The following CRTAP variants were observed in gnomAD, a reference collection of about 807,000 sequenced individuals.
The protein encoded by CRTAP is cartilage associated protein.
A neutral mutation model predicts 42.7 loss-of-function variants in CRTAP; 33 were observed. The ratio of observed to expected loss-of-function variants is 0.77; its 90% CI spans 0.59 to 1.03. The LOEUF (loss-of-function observed/expected upper bound fraction) is 1.03, where lower values mean the gene tolerates loss of function less well. Among genes scored for constraint, CRTAP ranks in the 50% least tolerant of loss-of-function variants. The probability of loss-of-function intolerance (pLI) is 0.00; values close to 1 mark genes in which losing one functional copy is unlikely to be tolerated. For missense variants in CRTAP, 613 were observed against 533.9 expected (o/e 1.15, Z -1.46); for synonymous variants, 243 against 217.7 (o/e 1.12, Z -1.02).
At chr3:33,135,546 T>C (rs916067683) in intron 6 of CRTAP, among the ~76,000 whole-genome samples, 3 of 150,838 alleles carry the variant, frequency 2.0e-5, no homozygotes, top group Non-Finnish European at 4.4e-5. Context: ...GTCTGGGGAG[T>C]TTGAGGCTGA....
intron 5 of CRTAP, 131 bp from the exon 6 acceptor site, chr3:33,134,051 A>G: frequency 1.4e-6 from 1 of 710,410 alleles, no homozygotes; most frequent in Admixed American, 2.0e-5. Flanking sequence ...AGAGTTGTAC[A>G]GCCATTACCA....
chr3:33,132,766 C>T, intron 5 of CRTAP, 66 bp downstream of exon 5: 1 of 1,586,726 alleles, frequency 6.3e-7, no homozygotes, highest in Non-Finnish European at 8.6e-7. Flanking sequence ...TACCTCGTGC[C>T]TTAAGAGAAA....
intron 1 of CRTAP, among the ~76,000 whole-genome samples, chr3:33,119,945 CTG>C (rs1447094078): frequency 1.3e-5 from 2 of 152,180 alleles, no homozygotes; most frequent in Non-Finnish European, 1.5e-5. Flanking sequence ...CCCAAGAGGA[CTG>C]TGCAGGGAGG....
chr3:33,132,637 G>A lies in CRTAP; in HGVS notation c.1005G>A (p.Leu335=). The A allele has an allele frequency of 6.2e-7, 1 of 1,614,172 alleles. No individual in the cohort carries two copies. Among genetic ancestry groups the A allele is most frequent in the Non-Finnish European group, 8.5e-7 (1 of 1,180,004 alleles). Residue 335 remains leucine, a synonymous_variant, in exon 5 of 7, where the codon CTG becomes CTA. Coordinates refer to ENST00000320954, the MANE Select transcript of CRTAP (RefSeq NM_006371.5). The stretch of plus-strand genomic sequence containing the variant: ...ATGACAAGGTCATGCAGCAGAACCT[G>A]GTGTATTACCAGTACCACAGGGACA... ...DQNDKVMQQN[L]VYYQYHRDTW...
chr3:33,140,821 A>C (rs2030550062), intron 6 of CRTAP, among the ~76,000 whole-genome samples: 1 of 152,198 alleles, frequency 6.6e-6, no homozygotes, highest in Non-Finnish European at 1.5e-5. Context: ...GGGTCAGGGG[A>C]AGGAGCTCAA....
chr3:33,130,201 A>T (rs2030212014), intron 4 of CRTAP, 134 bp downstream of exon 4: 2 of 889,596 alleles, frequency 2.2e-6, no homozygotes, highest in South Asian at 2.7e-5. Flanking sequence ...TATGCTTTGC[A>T]CAAAAAGGCA....
chr3:33,114,925 T>G (rs1450651313), intron 1 of CRTAP, among the ~76,000 whole-genome samples: 1 of 152,164 alleles, frequency 6.6e-6, no homozygotes, highest in East Asian at 1.9e-4. Context: ...GCAGAAGACC[T>G]GAGGAGCCGA....
At chr3:33,130,572 G>GC (rs1489233098) in intron 4 of CRTAP, among the ~76,000 whole-genome samples, 33 of 101,362 alleles carry the variant, frequency 3.3e-4, no homozygotes, top group Non-Finnish European at 4.5e-4. Flanking sequence ...TTGCTCTGTT[G>GC]CCCAGGCTGG....
At position 33,114,059 on chromosome 3, in the gene CRTAP, CT is replaced by C; in HGVS notation, c.-17del. The C allele has an allele frequency of 6.9e-7, 1 of 1,454,690 alleles. No individual in the cohort carries two copies. The highest frequency in any genetic ancestry group is 9.0e-7 in the Non-Finnish European group (1 of 1,108,560). 90.1% of individuals were successfully genotyped at this position (1,454,690 alleles called of 1,614,324 possible). On this transcript the variant is annotated 5_prime_UTR_variant, in exon 1 of 7. Transcript: ENST00000320954. The stretch of plus-strand genomic sequence containing the variant: ...TTTCCCTTCCTTCGTCCCTTCCTTC[CT>C]TCCTTTCGCCGGGCGCGATGGAGCC...
At chr3:33,124,976 G>A (rs1559434064) in intron 3 of CRTAP, among the ~76,000 whole-genome samples, 3 of 152,174 alleles carry the variant, frequency 2.0e-5, no homozygotes, top group Non-Finnish European at 4.4e-5. Flanking sequence ...CCATCACTAA[G>A]GTAGCTTTTT....
At chr3:33,119,002 T>G (rs1261455363) in intron 1 of CRTAP, among the ~76,000 whole-genome samples, 3 of 152,194 alleles carry the variant, frequency 2.0e-5, no homozygotes, top group Non-Finnish European at 1.5e-5. Context: ...CCCAGGCCAG[T>G]CAGCTTCTTC....
Position 33,142,547 on chromosome 3 carries a change from CT to C in CRTAP, c.*102del. The C allele has an allele frequency of 8.7e-7, 1 of 1,150,990 alleles. No individual in the cohort carries two copies. Among genetic ancestry groups the C allele is most frequent in the Non-Finnish European group, 1.3e-6 (1 of 767,274 alleles). The allele number at this position is 1,150,990 out of a possible 1,614,324, so 71.3% of individuals were successfully genotyped here. A position where few individuals can be genotyped will look rare whatever the true frequency, so the allele number is the denominator to read the frequency against. On this transcript the variant is annotated 3_prime_UTR_variant, in exon 7 of 7. Transcript: ENST00000320954. The stretch of plus-strand genomic sequence containing the variant: ...GGCTGTTGATACCTCAGAGCCTTCT[CT>C]TTACTCTCCAAAGTGAAAGGGAAGC...
intron 1 of CRTAP, 57 bp from the exon 2 acceptor site, chr3:33,120,287 T>C: frequency 1.4e-6 from 2 of 1,472,550 alleles, no homozygotes; most frequent in Non-Finnish European, 1.9e-6. Context: ...ATTCTTGTTT[T>C]ACAAAAATTA....
rs751267437 is a variant in CRTAP at position 33,120,428 on chromosome 3, G to T, written c.556G>T (p.Ala186Ser). 1 of 1,613,512 alleles carries T rather than the reference G, an allele frequency of 6.2e-7. No individual in the cohort carries two copies. The change falls in exon 2 of 7, where the codon GCA becomes TCA. Residue 186 changes from alanine to serine, a missense_variant. Transcript: ENST00000320954. ...TGACGAAATGATGAAGAGGAACATG[G>T]CATATTATAAGAGCCTGCCTGGTGC... Reference protein sequence around the residue: ...PDDEMMKRNMAYYKSLPGAED... With the variant: ...PDDEMMKRNMSYYKSLPGAED...
At chr3:33,136,175 T>G (rs1219201133) in intron 6 of CRTAP, among the ~76,000 whole-genome samples, 1 of 152,216 alleles carries the variant, frequency 6.6e-6, no homozygotes, top group Non-Finnish European at 1.5e-5. Flanking sequence ...GTGACTGGCT[T>G]CTTTCACTGA....
chr3:33,125,496 T>TTG lies in CRTAP; in HGVS notation c.793+918_793+919insGT, dbSNP rs1233828698. 4.8e-5 allele frequency among the ~76,000 whole-genome samples: 7 copies of TTG among 144,732 alleles called. No homozygotes were observed. The East Asian group carries it at 1.2e-3, about 25-fold the overall frequency. The allele number at this position is 144,732 out of a possible 152,430, so 94.9% of individuals were successfully genotyped here. ...AATCTCTTTCTACAAAGTAGGTTTTTTTTTTTTTTTTTTTTTTTTGCCTTA... is the reference window on the plus strand; with the variant it reads ...AATCTCTTTCTACAAAGTAGGTTTTTTGTTTTTTTTTTTTTTTTTTTGCCTTA... On this transcript the variant is annotated intron_variant, in intron 3 of 6. Transcript: ENST00000320954.
In CRTAP at chr3:33,146,040, A is replaced by C. The variant is rs2030710833; in HGVS notation, c.*3592A>C. 1 of 149,594 alleles carries C rather than the reference A, an allele frequency of 6.7e-6. No individual in the cohort carries two copies. The highest frequency in any genetic ancestry group is 1.5e-5 in the Non-Finnish European group (1 of 67,950). 9.3% of individuals were successfully genotyped at this position (149,594 alleles called of 1,614,324 possible). On this transcript the variant is annotated 3_prime_UTR_variant, in exon 7 of 7. Coordinates refer to ENST00000320954, the MANE Select transcript of CRTAP (RefSeq NM_006371.5). Reference sequence around the variant, plus strand: ...GGAAACCAAACCTTAAAAAAAAAAAACAAAAACTGGGCTGGGTCTTCCAAA... The same window carrying C: ...GGAAACCAAACCTTAAAAAAAAAAACCAAAAACTGGGCTGGGTCTTCCAAA...
intron 2 of CRTAP, among the ~76,000 whole-genome samples, chr3:33,124,132 A>T (rs2029985287): frequency 6.6e-6 from 1 of 152,162 alleles, no homozygotes; most frequent in South Asian, 2.1e-4. Context: ...CACTGATCTG[A>T]TCTCTGTCAT....
intron 1 of CRTAP, among the ~76,000 whole-genome samples, chr3:33,114,974 C>T (rs62250513): frequency 0.095 from 14,459 of 152,164 alleles, 913 homozygotes; most frequent in Non-Finnish European, 0.15. Context: ...GAGACAGGGT[C>T]TCACAGTCGC....
Sources: allele counts gnomAD v4.1 joint callset (sites outside exome capture counted in the v4.1 genomes callset), GRCh38; gene constraint gnomAD v4.1.1; transcripts MANE v1.5; gene names NCBI Gene and HGNC (gene_info 2026-07-23, HGNC 2026-07-21).